The following TNKS variants were observed in gnomAD, a reference collection of about 807,000 sequenced individuals.
The protein encoded by TNKS is poly [ADP-ribose] polymerase tankyrase-1.
A neutral mutation model predicts 135.8 loss-of-function variants in TNKS; 72 were observed. That is an observed-to-expected ratio of 0.53 (90% CI 0.44 to 0.64). TNKS has a LOEUF of 0.64. TNKS is among the 30% of genes least tolerant of loss of function. The probability of loss-of-function intolerance (pLI) is 0.00; values close to 1 mark genes in which losing one functional copy is unlikely to be tolerated. For synonymous variants in TNKS, 849 were observed against 649.3 expected (o/e 1.31, Z -4.68); for missense variants, 1,769 against 1,674.0 (o/e 1.06, Z -0.99).
chr8:9,720,592 C>G (rs781433847), intron 12 of TNKS, 47 bp downstream of exon 12: 1 of 1,556,380 alleles, frequency 6.4e-7, no homozygotes, highest in Non-Finnish European at 8.7e-7. Context: ...TCTCTTCCAT[C>G]CCTGCTGAAA....
At chr8:9,770,049 A>ATATT in intron 25 of TNKS, 57 bp from the exon 26 acceptor site, 1 of 1,485,466 alleles carries the variant, frequency 6.7e-7, no homozygotes, top group Non-Finnish European at 9.1e-7. Flanking sequence ...TCTAGCAGTT[A>ATATT]TATTATTGTA....
chr8:9,740,598 A>G (rs1466181292), intron 17 of TNKS, among the ~76,000 whole-genome samples: 9 of 152,156 alleles, frequency 5.9e-5, no homozygotes, highest in African/African-American at 2.2e-4. Flanking sequence ...AAATTAATTG[A>G]AAGTATCATA....
In TNKS at chr8:9,581,863, T is replaced by C. The variant is rs1019337505; in HGVS notation, c.898+1480T>C. On this transcript the variant is annotated intron_variant, in intron 2 of 26. Transcript: ENST00000310430. ...CTCTTTCAAAAGTCCATAATGTAAA[T>C]GCTCTTTTTATCTAGGTTCTATTGA... Among the ~76,000 whole-genome samples, 14 of 152,330 alleles carry C rather than the reference T, an allele frequency of 9.2e-5. No homozygotes were observed. The South Asian group carries it at 2.7e-3, about 29-fold the overall frequency.
chr8:9,602,959 T>TG (rs1189832354), intron 2 of TNKS, among the ~76,000 whole-genome samples: 2 of 152,252 alleles, frequency 1.3e-5, no homozygotes, highest in African/African-American at 4.8e-5. Flanking sequence ...TTCATAAAAT[T>TG]TGTAGTTGAG....
intron 3 of TNKS, among the ~76,000 whole-genome samples, chr8:9,667,802 G>C (rs1328108384): frequency 6.8e-6 from 1 of 146,742 alleles, no homozygotes; most frequent in Non-Finnish European, 1.5e-5. Context: ...CTTTAGTGAA[G>C]TCTGATTAAT....
At chr8:9,663,228 G>C (rs1801816892) in intron 3 of TNKS, among the ~76,000 whole-genome samples, 1 of 152,178 alleles carries the variant, frequency 6.6e-6, no homozygotes, top group Non-Finnish European at 1.5e-5. Context: ...ATAAATGTGT[G>C]TTTTAATTCA....
chr8:9,613,595 A>G (rs1284336186), intron 2 of TNKS, among the ~76,000 whole-genome samples: 3 of 152,224 alleles, frequency 2.0e-5, no homozygotes, highest in South Asian at 2.1e-4. Flanking sequence ...TCCTGTTGCT[A>G]CATTACTTTG....
intron 5 of TNKS, among the ~76,000 whole-genome samples, chr8:9,683,623 T>C (rs1563165459): frequency 6.6e-6 from 1 of 151,936 alleles, no homozygotes; most frequent in African/African-American, 2.4e-5. Context: ...ATGTCTCTTA[T>C]ACAGTGGTTA....
At chr8:9,746,468 C>T (rs1806241317) in intron 17 of TNKS, among the ~76,000 whole-genome samples, 1 of 152,084 alleles carries the variant, frequency 6.6e-6, no homozygotes, top group African/African-American at 2.4e-5. Flanking sequence ...TAGTCCTGCT[C>T]CTTTATAGTT....
Position 9,776,874 on chromosome 8 carries a change from C to CTT in TNKS, c.*139_*140insTT. Reference sequence around the variant, plus strand: ...GCTGTTTGTCTTCTATAAAGCATTGCTATAGTGATGAATAGTATGAGTAAC... The same window carrying CTT: ...GCTGTTTGTCTTCTATAAAGCATTGCTTTATAGTGATGAATAGTATGAGTAAC... On this transcript the variant is annotated 3_prime_UTR_variant, in exon 27 of 27. Coordinates refer to ENST00000310430, the MANE Select transcript of TNKS (RefSeq NM_003747.3). The CTT allele has an allele frequency of 1.3e-6, 1 of 757,340 alleles. No homozygotes were observed. Among genetic ancestry groups the CTT allele is most frequent in the Non-Finnish European group, 2.1e-6 (1 of 466,002 alleles). 46.9% of individuals were successfully genotyped at this position (757,340 alleles called of 1,614,324 possible).
chr8:9,749,284 C>T (rs948313512), intron 18 of TNKS, among the ~76,000 whole-genome samples: 5 of 152,128 alleles, frequency 3.3e-5, no homozygotes, highest in East Asian at 3.9e-4. Context: ...TCACCTGCCA[C>T]GTGCTCCCCC....
chr8:9,718,671 A>G (rs533640828), intron 11 of TNKS, among the ~76,000 whole-genome samples: 188 of 152,286 alleles, frequency 1.2e-3, no homozygotes, highest in Admixed American at 3.1e-3. Flanking sequence ...CTCTAGATAC[A>G]AGGAAAAGTG....
At chr8:9,679,692 G>C in intron 3 of TNKS, 1 of 424,842 alleles carries the variant, frequency 2.4e-6, no homozygotes. Context: ...CTGGACACGA[G>C]ATTTAGCATT....
intron 11 of TNKS, among the ~76,000 whole-genome samples, chr8:9,713,337 T>C (rs1804428650): frequency 6.6e-6 from 1 of 152,240 alleles, no homozygotes; most frequent in Admixed American, 6.5e-5. Context: ...TATAATGCTC[T>C]TGAAAAATTA....
intron 26 of TNKS, among the ~76,000 whole-genome samples, chr8:9,771,329 G>T (rs1585450554): frequency 7.9e-6 from 1 of 126,648 alleles, no homozygotes; most frequent in African/African-American, 3.0e-5. Flanking sequence ...AAGAAAGGAG[G>T]GAGAGAGAGG....
At chr8:9,636,266 T>C (rs1034087202) in intron 3 of TNKS, among the ~76,000 whole-genome samples, 1 of 152,194 alleles carries the variant, frequency 6.6e-6, no homozygotes, top group East Asian at 1.9e-4. Flanking sequence ...TTTGAAGTTA[T>C]TTCAAGTAAA....
chr8:9,606,201 A>G (rs1799214299), intron 2 of TNKS, among the ~76,000 whole-genome samples: 1 of 127,110 alleles, frequency 7.9e-6, no homozygotes, highest in South Asian at 2.6e-4. Flanking sequence ...TTTCAGCATG[A>G]TTTGTTGAAT....
At chr8:9,686,922 A>G (rs1803029339) in intron 5 of TNKS, among the ~76,000 whole-genome samples, 1 of 152,178 alleles carries the variant, frequency 6.6e-6, no homozygotes, top group African/African-American at 2.4e-5. Context: ...TTCGACTCTA[A>G]CATTTCAAGA....
chr8:9,751,598 C>G lies in TNKS; in HGVS notation c.2833-11C>G. On this transcript the variant is annotated splice_polypyrimidine_tract_variant and intron_variant, in intron 18 of 26. Transcript: ENST00000310430. ...TATTTTCATGGTTTTTGTTTTTAAT[C>G]ATTTTTTTAGGCTGACGATATCAGA... 6.2e-7 allele frequency: 1 copy of G among 1,602,932 alleles called. No individual in the cohort carries two copies. Among genetic ancestry groups the G allele is most frequent in the South Asian group, 1.1e-5 (1 of 89,340 alleles).
Sources: gnomAD v4.1 joint callset for allele counts (sites outside exome capture counted in the v4.1 genomes callset) on GRCh38, gnomAD v4.1.1 for gene constraint, MANE v1.5 for transcripts, NCBI Gene and HGNC (gene_info 2026-07-23, HGNC 2026-07-21) for gene names.